Variants in SCAPER observed in about 807,000 individuals in gnomAD.
SCAPER encodes S-phase cyclin A associated protein in the ER.
A neutral mutation model predicts 182.2 loss-of-function variants in SCAPER; 98 were observed. The observed-to-expected ratio is 0.54, with a 90% CI of 0.46 to 0.64. The LOEUF (loss-of-function observed/expected upper bound fraction) is 0.64, where lower values mean the gene tolerates loss of function less well. Among genes scored for constraint, SCAPER ranks in the 30% least tolerant of loss-of-function variants. The pLI, the probability that SCAPER is intolerant of heterozygous loss-of-function variation, is 0.00. For missense variants in SCAPER, 1,432 were observed against 1,690.0 expected, an observed-to-expected ratio of 0.85 and a Z score of 2.68; for synonymous variants, 605 against 564.6, an observed-to-expected ratio of 1.07 and a Z score of -1.01.
chr15:76,674,190 T>A (rs2057225301), intron 20 of SCAPER, among the ~76,000 whole-genome samples: 1 of 152,172 alleles, frequency 6.6e-6, no homozygotes, highest in Non-Finnish European at 1.5e-5. Flanking sequence ...AATATCCCCA[T>A]ATCTATTAAT....
chr15:76,771,434 C>T (rs540704194), intron 10 of SCAPER, among the ~76,000 whole-genome samples: 10 of 152,206 alleles, frequency 6.6e-5, no homozygotes, highest in Middle Eastern at 3.4e-3. Flanking sequence ...CTAGATGTAG[C>T]ATAGAAGACT....
At chr15:76,485,272 C>T (rs968564259) in intron 24 of SCAPER, among the ~76,000 whole-genome samples, 1 of 152,092 alleles carries the variant, frequency 6.6e-6, no homozygotes, top group African/African-American at 2.4e-5. Context: ...CAGGAACATA[C>T]TCCCATTCAC....
At chr15:76,471,123 G>C in intron 25 of SCAPER, 89 bp downstream of exon 25, 2 of 937,090 alleles carry the variant, frequency 2.1e-6, no homozygotes, top group Non-Finnish European at 2.8e-6. Context: ...CATCTGGAGA[G>C]TAACTAAGTT....
chr15:76,878,016 T>C lies in SCAPER; in HGVS notation c.6+5796A>G, dbSNP rs564142925. On this transcript the variant is annotated intron_variant, in intron 2 of 31. Coordinates refer to ENST00000563290, the MANE Select transcript of SCAPER (RefSeq NM_020843.4). ...TATGTTGGCTTCAAATACTCTTAAA[T>C]GGTTCAGGAAGAAAAGTAATATGCA... Among the ~76,000 whole-genome samples the C allele has an allele frequency of 1.5e-4, 23 of 152,286 alleles. No individual in the cohort carries two copies. In the East Asian group the frequency reaches 4.4e-3, roughly 29 times the overall value.
chr15:76,584,704 A>G (rs996709528), intron 22 of SCAPER, among the ~76,000 whole-genome samples: 1 of 152,124 alleles, frequency 6.6e-6, no homozygotes, highest in South Asian at 2.1e-4. Flanking sequence ...CGTATTAGTC[A>G]ATTTAATTTT....
At position 76,404,547 on chromosome 15, in the gene SCAPER, T is replaced by C. The variant is rs1226990750; in HGVS notation, c.3444A>G (p.Thr1148=). The C allele has an allele frequency of 3.4e-5, 55 of 1,611,962 alleles. No individual in the cohort carries two copies. In the Admixed American group the frequency reaches 8.4e-4, roughly 24 times the overall value. ...ACCTTCCAGTGACAGCAAAGCACAG[T>C]GTACACATTGCATGTAAGAGTCCTG... ...HAAGLLHAMC[T]LCFAVTGRSY... is the part of the protein sequence containing the mutation. The change falls in exon 27 of 32, where the codon ACA becomes ACG. Residue 1148 remains threonine, a synonymous_variant. Transcript: ENST00000563290.
intron 24 of SCAPER, among the ~76,000 whole-genome samples, chr15:76,488,185 TTTCAAA>T (rs1230913338): frequency 7.9e-5 from 12 of 152,318 alleles, no homozygotes; most frequent in Middle Eastern, 3.4e-3. Flanking sequence ...ATTTGTAATA[TTTCAAA>T]TTCAAATTCT....
chr15:76,558,658 T>A (rs557977373), intron 23 of SCAPER, among the ~76,000 whole-genome samples: 13 of 152,256 alleles, frequency 8.5e-5, no homozygotes, highest in Admixed American at 7.2e-4. Context: ...GACGCAGAAA[T>A]CCCATTATTG....
rs184253272 is a variant in SCAPER, at chr15:76,470,576, T to C, written c.3078+636A>G. 1.7e-4 allele frequency among the ~76,000 whole-genome samples: 26 copies of C among 152,280 alleles called. No individual in the cohort carries two copies. In the East Asian group the frequency reaches 4.6e-3, roughly 27 times the overall value. On this transcript the variant is annotated intron_variant, in intron 25 of 31. Transcript: ENST00000563290. ...CAGCTTGAGAGCTATTTTGTGCCAA[T>C]ACCTCAGGGGCTTAGAAACTTCACC...
intron 28 of SCAPER, 137 bp downstream of exon 28, chr15:76,381,241 A>T (rs906343264): frequency 6.3e-6 from 3 of 474,874 alleles, no homozygotes; most frequent in African/African-American, 6.0e-5. Flanking sequence ...AGTTTAATAA[A>T]TTATAATATA....
chr15:76,680,246 CAAAT>C (rs2057615555), intron 20 of SCAPER, among the ~76,000 whole-genome samples: 1 of 151,740 alleles, frequency 6.6e-6, no homozygotes, highest in African/African-American at 2.4e-5. Flanking sequence ...AAAATGCATG[CAAAT>C]ATACAATACA....
chr15:76,354,124 C>G lies in SCAPER; in HGVS notation c.3872G>C (p.Gly1291Ala). The change falls in exon 30 of 32, where the codon GGC (glycine) becomes GCC (alanine). Residue 1291 changes from glycine (G) to alanine (A), a missense_variant. Around this residue, in one of 5 missense-constraint regions of SCAPER, gnomAD observed 718 missense variants for 799.7 expected, o/e 0.90. Transcript: ENST00000563290. The surrounding 1 kb of genome is among the most constrained non-coding windows in gnomAD (Gnocchi z 4.4). ...HPDNQVIVQS[G>A]RHPTVLQKLC... is the part of the protein sequence containing the mutation. ...CTTCTGCAGCACTGTGGGGTGGCGG[C>G]CGGACTGCACGATCACCTGAAATGG... The G allele has an allele frequency of 6.2e-7, 1 of 1,604,084 alleles. No individual in the cohort carries two copies. The highest frequency in any genetic ancestry group is 1.3e-5 in the African/African-American group (1 of 74,242).
At chr15:76,657,570 C>A (rs1373624561) in intron 21 of SCAPER, among the ~76,000 whole-genome samples, 2 of 134,194 alleles carry the variant, frequency 1.5e-5, no homozygotes, top group African/African-American at 5.4e-5. Flanking sequence ...ATATCAAAAT[C>A]TGGCAGAGAC....
At chr15:76,671,104 G>A (rs1295053928) in intron 20 of SCAPER, among the ~76,000 whole-genome samples, 1 of 152,118 alleles carries the variant, frequency 6.6e-6, no homozygotes, top group Non-Finnish European at 1.5e-5. Flanking sequence ...ACTTTGGGAG[G>A]CAGAGGCGGG....
intron 5 of SCAPER, among the ~76,000 whole-genome samples, chr15:76,836,905 T>C (rs1422211539): frequency 1.3e-5 from 2 of 151,766 alleles, no homozygotes; most frequent in Non-Finnish European, 2.9e-5. Context: ...AGAAAAGTAA[T>C]TGTAAAGCCT....
chr15:76,495,991 G>C (rs2468132), intron 24 of SCAPER, among the ~76,000 whole-genome samples: 5,069 of 100,920 alleles, frequency 0.05, 161 homozygotes, highest in South Asian at 0.063. Flanking sequence ...GCAAAAGAGA[G>C]AGACACACAC....
chr15:76,685,769 C>A (rs892024922), intron 20 of SCAPER, among the ~76,000 whole-genome samples: 1 of 151,630 alleles, frequency 6.6e-6, no homozygotes. Flanking sequence ...CTGTGTAGGA[C>A]AACAAGTTTC....
chr15:76,796,752 C>A (rs993776245), intron 7 of SCAPER, among the ~76,000 whole-genome samples: 1 of 152,178 alleles, frequency 6.6e-6, no homozygotes, highest in Non-Finnish European at 1.5e-5. Context: ...CATTACAGGG[C>A]AAGTTTCCTT....
chr15:76,706,016 A>T, intron 17 of SCAPER, 32 bp from the exon 18 acceptor site: 1 of 1,499,550 alleles, frequency 6.7e-7, no homozygotes, highest in African/African-American at 1.4e-5. Flanking sequence ...TATAAACTCA[A>T]CTGCTTAAAG....
Sources: allele counts gnomAD v4.1 joint callset (sites outside exome capture counted in the v4.1 genomes callset), GRCh38; gene constraint gnomAD v4.1.1; regional missense constraint gnomAD v4.1.1; non-coding constraint Gnocchi (gnomAD v3.1); transcripts MANE v1.5; gene names NCBI Gene and HGNC (gene_info 2026-07-23, HGNC 2026-07-21).